The following SACS variants were observed in gnomAD, a reference collection of about 807,000 sequenced individuals.
The protein encoded by SACS is sacsin.
SACS carries 197 observed loss-of-function variants against 348.0 expected under a neutral mutation model. The observed-to-expected ratio is 0.57, with a 90% CI of 0.50 to 0.64. The LOEUF is 0.64. SACS is among the 30% of genes least tolerant of loss of function. The pLI, the probability that SACS is intolerant of heterozygous loss-of-function variation, is 0.00. For missense variants in SACS, 4,999 were observed against 5,360.8 expected, an observed-to-expected ratio of 0.93 and a Z score of 2.11; for synonymous variants, 1,985 against 1,910.6, an observed-to-expected ratio of 1.04 and a Z score of -1.02.
At chr13:23,430,138 G>A (rs147864567) in intron 1 of SACS, among the ~76,000 whole-genome samples, 1,865 of 152,176 alleles carry the variant, frequency 0.012, 19 homozygotes, top group Middle Eastern at 0.02. Flanking sequence ...AACCCGGGAA[G>A]TGGAGGTTGC....
Position 23,427,255 on chromosome 13 carries a change from A to T in SACS, c.-502+6360T>A, listed in dbSNP as rs546989266. 4.6e-5 allele frequency: 7 copies of T among 152,294 alleles called. No individual in the cohort carries two copies. In the East Asian group the frequency reaches 1.2e-3, roughly 25 times the overall value. The allele number at this position is 152,294 out of a possible 1,614,324, so 9.4% of individuals were successfully genotyped here. A position where few individuals can be genotyped will look rare whatever the true frequency, so the allele number is the denominator to read the frequency against. ...TTTTTTAACACATGAAGTGACATGA[A>T]ATGTGTTCATGATACTCTCTGCCCA... On this transcript the variant is annotated intron_variant, in intron 1 of 9. Coordinates refer to ENST00000382292, the MANE Select transcript of SACS (RefSeq NM_014363.6).
chr13:23,351,724 CCTAA>C (rs1869969447), intron 9 of SACS, among the ~76,000 whole-genome samples: 1 of 151,968 alleles, frequency 6.6e-6, no homozygotes, highest in African/African-American at 2.4e-5. Context: ...AAAATAGTAG[CCTAA>C]CTCTTAAATC....
chr13:23,367,583 T>C (rs1345199594), intron 5 of SACS, among the ~76,000 whole-genome samples: 1 of 152,196 alleles, frequency 6.6e-6, no homozygotes, highest in Admixed American at 6.5e-5. Flanking sequence ...TTTTTCTTTT[T>C]TTGTTGTTTT....
rs764686360 is a variant in SACS, at chr13:23,330,681, T to C, written c.13195A>G (p.Thr4399Ala). The change falls in exon 10 of 10, where the codon ACT becomes GCT. Residue 4399 changes from threonine (T) to alanine (A), a missense_variant. This residue lies in a region of SACS where 254 missense variants were observed against 275.1 expected (regional missense o/e 0.92). Coordinates refer to ENST00000382292, the MANE Select transcript of SACS (RefSeq NM_014363.6). Reference sequence around the variant, plus strand: ...CTCGTTGCTTCTTGATTCCATGAAGTATAGAATCTCTGAAATGAGTATTTG... The same window carrying C: ...CTCGTTGCTTCTTGATTCCATGAAGCATAGAATCTCTGAAATGAGTATTTG... Reference protein sequence around the residue: ...SDKYSFQRFYTSWNQEATSHK... With the variant: ...SDKYSFQRFYASWNQEATSHK... The C allele has an allele frequency of 3.7e-6, 6 of 1,614,048 alleles. No homozygotes were observed. In the Admixed American group the frequency reaches 8.3e-5, roughly 22 times the overall value.
intron 9 of SACS, among the ~76,000 whole-genome samples, chr13:23,345,323 A>G (rs1366257208): frequency 6.6e-6 from 1 of 152,180 alleles, no homozygotes; most frequent in Non-Finnish European, 1.5e-5. Context: ...CAACCAAACT[A>G]AAAAAGGAAG....
intron 2 of SACS, among the ~76,000 whole-genome samples, chr13:23,400,074 A>G (rs963633851): frequency 1.3e-5 from 2 of 152,088 alleles, no homozygotes; most frequent in Admixed American, 6.6e-5. Flanking sequence ...CTCTTTCTTT[A>G]ACTCTTACAA....
At chr13:23,377,719 G>T (rs1274468576) in intron 2 of SACS, among the ~76,000 whole-genome samples, 1 of 152,104 alleles carries the variant, frequency 6.6e-6, no homozygotes, top group African/African-American at 2.4e-5. Flanking sequence ...CATCTGTGGT[G>T]GGAGTGACAG....
intron 9 of SACS, among the ~76,000 whole-genome samples, chr13:23,343,829 A>T (rs1386010742): frequency 6.6e-6 from 1 of 152,244 alleles, no homozygotes; most frequent in Non-Finnish European, 1.5e-5. Context: ...AAAAAAGATG[A>T]CTTTATCTTC....
In SACS at chr13:23,389,149, A is replaced by T. The variant is rs76690252; in HGVS notation, c.21-13880T>A. Among the ~76,000 whole-genome samples, 85 of 152,094 alleles carry T rather than the reference A, an allele frequency of 5.6e-4. 1 individual carries two copies. The East Asian group carries it at 0.011, about 19-fold the overall frequency. On this transcript the variant is annotated intron_variant, in intron 2 of 9. Coordinates refer to ENST00000382292, the MANE Select transcript of SACS (RefSeq NM_014363.6). The stretch of plus-strand genomic sequence containing the variant: ...TACTCCTTAGTACCCTCTACCATTT[A>T]GCTAAAACATATATGTGTGTGTATA...
At chr13:23,413,080 C>G (rs1314859328) in intron 1 of SACS, among the ~76,000 whole-genome samples, 1 of 151,830 alleles carries the variant, frequency 6.6e-6, no homozygotes, top group Non-Finnish European at 1.5e-5. Context: ...CGGGTTCAAT[C>G]GATCCTCCAG....
chr13:23,408,907 A>G (rs1245836455), intron 2 of SACS, among the ~76,000 whole-genome samples: 1 of 147,140 alleles, frequency 6.8e-6, no homozygotes, highest in Non-Finnish European at 1.5e-5. Flanking sequence ...GCTTGCAGTG[A>G]GCCGAGATTG....
At chr13:23,397,084 C>T (rs368908178) in intron 2 of SACS, among the ~76,000 whole-genome samples, 1 of 152,208 alleles carries the variant, frequency 6.6e-6, no homozygotes, top group Admixed American at 6.5e-5. Flanking sequence ...ATAAAACTTG[C>T]TAGCCTTCTA....
chr13:23,347,405 AC>A (rs1201539730), intron 9 of SACS, among the ~76,000 whole-genome samples: 1 of 151,886 alleles, frequency 6.6e-6, no homozygotes, highest in Non-Finnish European at 1.5e-5. Flanking sequence ...GAAGCAAGAA[AC>A]TTTTAATCAA....
At chr13:23,425,625 GCC>G (rs1414338805) in intron 1 of SACS, among the ~76,000 whole-genome samples, 3 of 147,028 alleles carry the variant, frequency 2.0e-5, no homozygotes, top group Non-Finnish European at 4.4e-5. Flanking sequence ...GAGTTTCTGT[GCC>G]CCCACCCCTC....
intron 1 of SACS, among the ~76,000 whole-genome samples, chr13:23,429,734 T>C (rs1208151574): frequency 6.6e-6 from 1 of 152,096 alleles, no homozygotes; most frequent in African/African-American, 2.4e-5. Flanking sequence ...AGAGGTTAAG[T>C]GTCAGAACTA....
chr13:23,412,362 T>C (rs1873524546), intron 1 of SACS, among the ~76,000 whole-genome samples: 1 of 151,630 alleles, frequency 6.6e-6, no homozygotes, highest in Non-Finnish European at 1.5e-5. Context: ...TTCACTCACA[T>C]GTGATGTGCC....
chr13:23,330,321 G>A lies in SACS; in HGVS notation c.13555C>T (p.Leu4519=). ...IEEYSQQLEG[L]TNDVHTLEAY... ...TCCAATGTGTGAACATCATTTGTCA[G>A]TCCTTCAAGTTGCTGACTATATTCC... Residue 4519 remains leucine (L), a synonymous_variant, in exon 10 of 10, where the codon CTG becomes TTG. Transcript: ENST00000382292. The A allele has an allele frequency of 1.9e-6, 3 of 1,614,178 alleles. No individual in the cohort carries two copies. Among genetic ancestry groups the A allele is most frequent in the Non-Finnish European group, 2.5e-6 (3 of 1,180,004 alleles).
At chr13:23,402,189 A>G (rs2137931851) in intron 2 of SACS, among the ~76,000 whole-genome samples, 1 of 152,272 alleles carries the variant, frequency 6.6e-6, no homozygotes, top group East Asian at 1.9e-4. Flanking sequence ...AAAAAAAAAA[A>G]AAAAAGACTT....
At chr13:23,358,274 C>T (rs1379398823) in intron 7 of SACS, 61 bp downstream of exon 7, 4 of 1,556,722 alleles carry the variant, frequency 2.6e-6, no homozygotes, top group Non-Finnish European at 3.5e-6. Context: ...TAACCAAATA[C>T]ATTACAGAAT....
Sources: allele counts gnomAD v4.1 joint callset (sites outside exome capture counted in the v4.1 genomes callset), GRCh38; gene constraint gnomAD v4.1.1; regional missense constraint gnomAD v4.1.1; transcripts MANE v1.5; gene names NCBI Gene and HGNC (gene_info 2026-07-23, HGNC 2026-07-21).